TYW1: variants seen among roughly 807,000 people sequenced by gnomAD.
The protein encoded by TYW1 is tRNA-yW synthesizing protein 1 homolog.
TYW1 carries 46 observed loss-of-function variants against 96.2 expected under a neutral mutation model. The observed-to-expected ratio is 0.48, with a 90% CI of 0.38 to 0.61. The LOEUF is 0.61. TYW1 is among the 20% of genes least tolerant of loss of function. The probability of loss-of-function intolerance (pLI) is 0.00; values close to 1 mark genes in which losing one functional copy is unlikely to be tolerated. For missense variants in TYW1, 684 were observed against 909.6 expected (o/e 0.75, Z 3.19); for synonymous variants, 274 against 323.0 (o/e 0.85, Z 1.63).
intron 12 of TYW1, among the ~76,000 whole-genome samples, chr7:67,100,418 G>A (rs35812200): frequency 3.3e-5 from 5 of 151,614 alleles, no homozygotes; most frequent in Admixed American, 1.3e-4. Context: ...TATTTATCTC[G>A]GTGCATTTTT....
At chr7:67,038,563 A>G (rs1229217851) in intron 7 of TYW1, among the ~76,000 whole-genome samples, 1 of 150,100 alleles carries the variant, frequency 6.7e-6, no homozygotes, top group African/African-American at 2.5e-5. Flanking sequence ...CTATGATCGC[A>G]CCACTGCACT....
chr7:67,009,469 A>G, intron 3 of TYW1, 114 bp from the exon 4 acceptor site: 1 of 832,422 alleles, frequency 1.2e-6, no homozygotes, highest in Non-Finnish European at 1.9e-6. Context: ...GATACATATC[A>G]GTCACTGAAA....
intron 7 of TYW1, among the ~76,000 whole-genome samples, chr7:67,028,666 T>C (rs1794540919): frequency 6.6e-6 from 1 of 152,226 alleles, no homozygotes; most frequent in African/African-American, 2.4e-5. Flanking sequence ...CAGGCACTCA[T>C]ACCTTGCAGG....
chr7:67,209,004 T>A (rs1036839674), intron 15 of TYW1, among the ~76,000 whole-genome samples: 10 of 152,202 alleles, frequency 6.6e-5, no homozygotes, highest in African/African-American at 1.7e-4. Flanking sequence ...ATGTAGATAT[T>A]ATGTCAGAGT....
At chr7:67,009,718 T>C (rs1793727196) in intron 4 of TYW1, 34 bp downstream of exon 4, 1 of 1,538,776 alleles carries the variant, frequency 6.5e-7, no homozygotes, top group Non-Finnish European at 8.8e-7. Context: ...GTCAAAACTC[T>C]CAAATTTAAC....
intron 13 of TYW1, among the ~76,000 whole-genome samples, chr7:67,180,508 A>G (rs1329364716): frequency 6.7e-6 from 1 of 149,116 alleles, no homozygotes; most frequent in Admixed American, 6.7e-5. Flanking sequence ...ATTTACAATT[A>G]ATTATTTTTC....
chr7:67,123,041 A>G (rs1177017064), intron 13 of TYW1, among the ~76,000 whole-genome samples: 1 of 152,152 alleles, frequency 6.6e-6, no homozygotes, highest in East Asian at 1.9e-4. Flanking sequence ...TCAATGAAAT[A>G]TATCTTCTTC....
At chr7:67,183,547 G>A (rs1377798355) in intron 14 of TYW1, among the ~76,000 whole-genome samples, 3 of 152,130 alleles carry the variant, frequency 2.0e-5, no homozygotes, top group Non-Finnish European at 4.4e-5. Flanking sequence ...ATAGTGTGGT[G>A]GTGAGTAATT....
chr7:67,136,521 A>G (rs543998687), intron 13 of TYW1, among the ~76,000 whole-genome samples: 1 of 152,218 alleles, frequency 6.6e-6, no homozygotes, highest in Admixed American at 6.5e-5. Flanking sequence ...GTATTTAATC[A>G]TTGTAATTAA....
At chr7:67,122,228 T>C (rs1417256576) in intron 13 of TYW1, among the ~76,000 whole-genome samples, 3 of 152,280 alleles carry the variant, frequency 2.0e-5, no homozygotes, top group African/African-American at 7.2e-5. Context: ...ATTTCTTGCA[T>C]TGCACGTTAA....
chr7:67,189,710 T>A (rs3110832), intron 14 of TYW1, among the ~76,000 whole-genome samples: 9 of 151,766 alleles, frequency 5.9e-5, no homozygotes, highest in Non-Finnish European at 1.0e-4. Flanking sequence ...CCCAGATTCA[T>A]TAAGTTTTTA....
intron 7 of TYW1, among the ~76,000 whole-genome samples, chr7:67,041,557 C>T (rs569661675): frequency 2.0e-5 from 3 of 152,306 alleles, no homozygotes; most frequent in South Asian, 2.1e-4. Context: ...GCCTCAGCCT[C>T]TCGAAGTGCT....
chr7:67,151,089 T>C (rs1798784953), intron 13 of TYW1, among the ~76,000 whole-genome samples: 2 of 151,606 alleles, frequency 1.3e-5, no homozygotes, highest in Middle Eastern at 3.4e-3. Flanking sequence ...CTTACTCTGA[T>C]GTCCAGACTG....
At chr7:67,107,715 T>C (rs1258044901) in intron 12 of TYW1, among the ~76,000 whole-genome samples, 1 of 151,784 alleles carries the variant, frequency 6.6e-6, no homozygotes, top group African/African-American at 2.4e-5. Flanking sequence ...ACCTGTTACT[T>C]GAGATAAGAT....
chr7:67,040,970 C>T (rs1307564644), intron 7 of TYW1, among the ~76,000 whole-genome samples: 1 of 152,132 alleles, frequency 6.6e-6, no homozygotes, highest in East Asian at 1.9e-4. Context: ...GGAGAAAACA[C>T]TAATGAAGAT....
At chr7:67,127,827 G>A (rs1797952935) in intron 13 of TYW1, among the ~76,000 whole-genome samples, 1 of 152,096 alleles carries the variant, frequency 6.6e-6, no homozygotes, top group Non-Finnish European at 1.5e-5. Flanking sequence ...ATAGGGTGCA[G>A]ATTCTAGGTG....
intron 15 of TYW1, among the ~76,000 whole-genome samples, chr7:67,196,946 T>C (rs1283120083): frequency 6.6e-6 from 1 of 152,208 alleles, no homozygotes; most frequent in Non-Finnish European, 1.5e-5. Flanking sequence ...ACAGGGTTAA[T>C]TGAAAAGTAG....
rs28861516 is a variant in TYW1 at position 67,222,872 on chromosome 7, T to C, written c.1978-15436T>C. Among the ~76,000 whole-genome samples, 1,263 of 150,004 alleles carry C rather than the reference T, an allele frequency of 8.4e-3. 22 individuals are homozygous for C. The highest frequency in any genetic ancestry group is 0.028 in the African/African-American group (1,160 of 41,112). On this transcript the variant is annotated intron_variant, in intron 15 of 15. Coordinates refer to ENST00000359626, the MANE Select transcript of TYW1 (RefSeq NM_018264.4). ...ATCTCTGTTCGCTTTTTTTCTTTTT[T>C]TTTTTTTTTTTTTGCTATTCGGACG...
chr7:67,055,739 CA>C (rs34783731), intron 8 of TYW1, 95 bp from the exon 9 acceptor site: 105,941 of 812,152 alleles, frequency 0.13, 739 homozygotes, highest in East Asian at 0.3. Context: ...AATAATTTAG[CA>C]AAAAAAAAAA....
Sources: allele counts gnomAD v4.1 joint callset (sites outside exome capture counted in the v4.1 genomes callset), GRCh38; gene constraint gnomAD v4.1.1; transcripts MANE v1.5; gene names NCBI Gene and HGNC (gene_info 2026-07-23, HGNC 2026-07-21).